Variants in RGL1 observed in about 807,000 individuals in gnomAD.
RGL1 encodes ral guanine nucleotide dissociation stimulator-like 1.
RGL1 carries 24 observed loss-of-function variants against 95.2 expected under a neutral mutation model. The observed-to-expected ratio is 0.25, with a 90% CI of 0.18 to 0.35. RGL1 has a LOEUF of 0.35. RGL1 is among the 10% of genes least tolerant of loss of function. The probability of loss-of-function intolerance (pLI) is 1.00; values close to 1 mark genes in which losing one functional copy is unlikely to be tolerated. For synonymous variants in RGL1, 329 were observed against 344.9 expected (o/e 0.95, Z 0.51); for missense variants, 715 against 936.3 (o/e 0.76, Z 3.08).
chr1:183,717,201 GTTC>G (rs1287428888), intron 1 of RGL1, among the ~76,000 whole-genome samples: 2 of 152,138 alleles, frequency 1.3e-5, no homozygotes, highest in East Asian at 3.8e-4. Flanking sequence ...AATTTTGTTA[GTTC>G]TTCTTTCCCA....
At chr1:183,704,937 A>G (rs1228446378) in intron 1 of RGL1, among the ~76,000 whole-genome samples, 1 of 152,210 alleles carries the variant, frequency 6.6e-6, no homozygotes, top group Non-Finnish European at 1.5e-5. Context: ...ACAACCTGGA[A>G]GGTGGGTCCC....
chr1:183,843,760 A>G (rs1300220845), intron 2 of RGL1, among the ~76,000 whole-genome samples: 2 of 152,198 alleles, frequency 1.3e-5, no homozygotes, highest in African/African-American at 4.8e-5. Flanking sequence ...GACTATCCCT[A>G]ACCACTGAGA....
chr1:183,879,052 AATT>A (rs1468654237), intron 4 of RGL1, among the ~76,000 whole-genome samples: 2 of 152,222 alleles, frequency 1.3e-5, no homozygotes, highest in African/African-American at 2.4e-5. Flanking sequence ...AAGAAAGTGA[AATT>A]ATTGTTTATC....
At chr1:183,747,407 T>C (rs1392829248) in intron 2 of RGL1, among the ~76,000 whole-genome samples, 1 of 152,232 alleles carries the variant, frequency 6.6e-6, no homozygotes, top group Non-Finnish European at 1.5e-5. Flanking sequence ...GAGCGTTTTT[T>C]CATGTTTTTT....
chr1:183,916,826 A>G (rs1669008506), intron 16 of RGL1, 125 bp downstream of exon 16: 1 of 1,090,772 alleles, frequency 9.2e-7, no homozygotes, highest in African/African-American at 1.6e-5. Flanking sequence ...ATATGCATTC[A>G]CACAGAAGGG....
intron 2 of RGL1, among the ~76,000 whole-genome samples, chr1:183,794,491 C>T (rs1660598071): frequency 6.6e-6 from 1 of 152,118 alleles, no homozygotes; most frequent in African/African-American, 2.4e-5. Context: ...TCCTAATTAC[C>T]CTGATTTGCT....
At chr1:183,636,870 A>G (rs530468916) in intron 1 of RGL1, among the ~76,000 whole-genome samples, 1 of 152,342 alleles carries the variant, frequency 6.6e-6, no homozygotes, top group Non-Finnish European at 1.5e-5. Context: ...TGAAGAACAA[A>G]TATTTGCAGG....
intron 1 of RGL1, among the ~76,000 whole-genome samples, chr1:183,666,005 CTTTTTTTTTTT>C (rs746295660): frequency 7.7e-6 from 1 of 130,716 alleles, no homozygotes; most frequent in African/African-American, 2.8e-5. Context: ...TTCTTTTTTT[CTTTTTTTTTTT>C]TTTTTTGAGA....
chr1:183,877,523 G>A (rs979604602), intron 4 of RGL1, among the ~76,000 whole-genome samples: 1 of 152,200 alleles, frequency 6.6e-6, no homozygotes, highest in Non-Finnish European at 1.5e-5. Flanking sequence ...CATGTGTCCA[G>A]GCCTTTCCAG....
At chr1:183,841,988 C>T (rs1664090640) in intron 2 of RGL1, among the ~76,000 whole-genome samples, 3 of 152,214 alleles carry the variant, frequency 2.0e-5, no homozygotes, top group Admixed American at 2.0e-4. Flanking sequence ...CACTTTCAGT[C>T]CCAAGAATTT....
At chr1:183,745,674 G>A (rs953718793) in intron 2 of RGL1, among the ~76,000 whole-genome samples, 1 of 152,002 alleles carries the variant, frequency 6.6e-6, no homozygotes, top group Admixed American at 6.6e-5. Flanking sequence ...AAAAAGCCCC[G>A]AGTATCCAGT....
chr1:183,747,931 C>G (rs574406358), intron 2 of RGL1, among the ~76,000 whole-genome samples: 1 of 152,192 alleles, frequency 6.6e-6, no homozygotes, highest in East Asian at 1.9e-4. Context: ...CTTTGTACCT[C>G]TGGTGGAATT....
Position 183,896,845 on chromosome 1 carries a change from C to T in RGL1, c.1141-963C>T, listed in dbSNP as rs116725214. On this transcript the variant is annotated intron_variant, in intron 9 of 17. Transcript: ENST00000360851. ...GAAAGGGTAGCCATGTGTCCTCAGG[C>T]ACCAGGAGGAAGGATTGATTTGTAA... Among the ~76,000 whole-genome samples, 690 of 152,268 alleles carry T rather than the reference C, an allele frequency of 4.5e-3. 11 individuals carry two copies. The highest frequency in any genetic ancestry group is 0.016 in the African/African-American group (651 of 41,538).
At chr1:183,708,897 C>T (rs1655087792) in intron 1 of RGL1, among the ~76,000 whole-genome samples, 1 of 152,166 alleles carries the variant, frequency 6.6e-6, no homozygotes, top group South Asian at 2.1e-4. Context: ...TTCCAGATTT[C>T]GGCACCAGAT....
intron 13 of RGL1, 111 bp downstream of exon 13, chr1:183,905,082 T>G: frequency 7.4e-7 from 1 of 1,349,006 alleles, no homozygotes; most frequent in Non-Finnish European, 1.0e-6. Flanking sequence ...GAGCAGCTGC[T>G]AGGTTCCAGG....
intron 17 of RGL1, among the ~76,000 whole-genome samples, chr1:183,924,462 C>T (rs1448175352): frequency 2.6e-5 from 4 of 151,838 alleles, no homozygotes; most frequent in South Asian, 2.1e-4. Flanking sequence ...TATCACACAC[C>T]GGGGCCTGTT....
intron 2 of RGL1, among the ~76,000 whole-genome samples, chr1:183,795,357 A>G (rs1399342803): frequency 6.6e-6 from 1 of 152,264 alleles, no homozygotes; most frequent in Non-Finnish European, 1.5e-5. Flanking sequence ...AAATAATCAT[A>G]CAATTAAGTG....
upstream of RGL1, among the ~76,000 whole-genome samples, chr1:183,801,865 A>C (rs1166426942): frequency 1.3e-5 from 2 of 152,172 alleles, no homozygotes; most frequent in African/African-American, 2.4e-5. Flanking sequence ...CTCTCACTGG[A>C]ACTAATAAAG....
At chr1:183,926,037 A>C in intron 17 of RGL1, 68 bp from the exon 18 acceptor site, 1 of 1,383,918 alleles carries the variant, frequency 7.2e-7, no homozygotes. Flanking sequence ...CAAGGTTTAC[A>C]GCTGCCGTTG....
Sources: gnomAD v4.1 joint callset for allele counts (sites outside exome capture counted in the v4.1 genomes callset) on GRCh38, gnomAD v4.1.1 for gene constraint, MANE v1.5 for transcripts, NCBI Gene and HGNC (gene_info 2026-07-23, HGNC 2026-07-21) for gene names.